ELF1: variants seen among roughly 807,000 people sequenced by gnomAD.
ELF1 encodes the protein ETS-related transcription factor Elf-1.
ELF1 carries 24 observed loss-of-function variants against 59.9 expected under a neutral mutation model. That is an observed-to-expected ratio of 0.40 (90% CI 0.29 to 0.56). The LOEUF (loss-of-function observed/expected upper bound fraction) is 0.56. Ranked by LOEUF, ELF1 falls within the 20% of genes least tolerant of loss-of-function variation. The pLI is 0.44. For missense variants in ELF1, 627 were observed against 742.2 expected (o/e 0.84, Z 1.80); for synonymous variants, 248 against 266.2 (o/e 0.93, Z 0.67).
chr13:41,046,467 C>T (rs1249210259), intron 1 of ELF1, among the ~76,000 whole-genome samples: 13 of 152,276 alleles, frequency 8.5e-5, no homozygotes, highest in South Asian at 6.2e-4. Context: ...GGAGCTCTTG[C>T]AGCGCAGGCC....
chr13:41,045,411 T>G (rs901099577), intron 1 of ELF1, among the ~76,000 whole-genome samples: 2 of 152,354 alleles, frequency 1.3e-5, no homozygotes, highest in South Asian at 4.1e-4. Flanking sequence ...TTTCCCGCTT[T>G]CTCTTGTGGG....
At chr13:40,992,398 G>A (rs184190097) in intron 1 of ELF1, among the ~76,000 whole-genome samples, 3 of 152,246 alleles carry the variant, frequency 2.0e-5, no homozygotes, top group African/African-American at 7.2e-5. Context: ...TCCAAGCTTA[G>A]GATAGAAACA....
intron 1 of ELF1, among the ~76,000 whole-genome samples, chr13:40,995,206 C>T (rs1874069899): frequency 1.3e-5 from 2 of 152,180 alleles, no homozygotes; most frequent in African/African-American, 4.8e-5. Flanking sequence ...CCCTTACTAC[C>T]TCTATTCTAG....
chr13:40,993,633 A>C (rs1477621194), intron 1 of ELF1, among the ~76,000 whole-genome samples: 1 of 151,956 alleles, frequency 6.6e-6, no homozygotes, highest in Non-Finnish European at 1.5e-5. Flanking sequence ...GGTGTGTACT[A>C]CCACACCTGA....
At chr13:40,994,884 G>A (rs1874051815) in intron 1 of ELF1, among the ~76,000 whole-genome samples, 1 of 152,094 alleles carries the variant, frequency 6.6e-6, no homozygotes, top group Non-Finnish European at 1.5e-5. Context: ...ATGCCCTAGT[G>A]CAATGGTTCC....
intron 5 of ELF1, among the ~76,000 whole-genome samples, chr13:40,948,768 G>A (rs374859312): frequency 1.3e-5 from 2 of 152,134 alleles, no homozygotes; most frequent in Non-Finnish European, 2.9e-5. Flanking sequence ...TTACTTACCT[G>A]CTGATTTCCA....
chr13:40,938,256 G>C (rs912346748), intron 8 of ELF1, among the ~76,000 whole-genome samples: 2 of 152,108 alleles, frequency 1.3e-5, no homozygotes, highest in African/African-American at 4.8e-5. Flanking sequence ...TTCTGTTGTT[G>C]TTTCTTTGAC....
At chr13:40,943,990 C>T in intron 5 of ELF1, 65 bp from the exon 6 acceptor site, 1 of 1,509,510 alleles carries the variant, frequency 6.6e-7, no homozygotes, top group Non-Finnish European at 9.1e-7. Context: ...GACAATTCAG[C>T]TATTTTGTCG....
At chr13:41,029,521 A>G (rs1431411326) in intron 1 of ELF1, among the ~76,000 whole-genome samples, 1 of 152,022 alleles carries the variant, frequency 6.6e-6, no homozygotes, top group South Asian at 2.1e-4. Context: ...AGCTGGGACT[A>G]CAGGCATGCA....
intron 1 of ELF1, among the ~76,000 whole-genome samples, chr13:41,046,275 C>T (rs374387643): frequency 5.3e-5 from 8 of 152,132 alleles, no homozygotes; most frequent in Admixed American, 4.6e-4. Context: ...GAGCATTTAG[C>T]CCATTTACAT....
chr13:41,022,250 CTGATATATGTGACAA>C (rs1169773765), upstream of ELF1, among the ~76,000 whole-genome samples: 69 of 152,292 alleles, frequency 4.5e-4, no homozygotes, highest in African/African-American at 1.7e-3. Flanking sequence ...GTCTGAATTT[CTGATATATGTGACAA>C]CATGGATGAA....
chr13:40,968,087 G>A (rs1440806711), intron 2 of ELF1, among the ~76,000 whole-genome samples: 1 of 152,126 alleles, frequency 6.6e-6, no homozygotes, highest in African/African-American at 2.4e-5. Flanking sequence ...TGATACATAT[G>A]TGTGTTCACT....
chr13:41,028,122 C>A (rs1469858328), intron 1 of ELF1, among the ~76,000 whole-genome samples: 1 of 152,210 alleles, frequency 6.6e-6, no homozygotes, highest in South Asian at 2.1e-4. Flanking sequence ...AGTCTTAGTT[C>A]CAGAGAGAGA....
intron 2 of ELF1, among the ~76,000 whole-genome samples, chr13:40,969,890 GAT>G (rs1157341939): frequency 2.0e-5 from 3 of 151,846 alleles, no homozygotes; most frequent in Admixed American, 1.3e-4. Flanking sequence ...TTTTTGTAGA[GAT>G]AGAGTCTTAC....
At chr13:41,057,889 C>CT (rs1179649710) in intron 1 of ELF1, among the ~76,000 whole-genome samples, 1 of 152,204 alleles carries the variant, frequency 6.6e-6, no homozygotes, top group Admixed American at 6.5e-5. Context: ...GTGAGCAGCT[C>CT]TGTCTTCGAA....
At chr13:41,047,214 T>C (rs1337795476) in intron 1 of ELF1, among the ~76,000 whole-genome samples, 1 of 152,208 alleles carries the variant, frequency 6.6e-6, no homozygotes, top group Non-Finnish European at 1.5e-5. Flanking sequence ...TTCTTTGCCA[T>C]GGGTTCAAAC....
intron 5 of ELF1, among the ~76,000 whole-genome samples, chr13:40,947,112 G>A (rs1199075144): frequency 6.8e-6 from 1 of 146,908 alleles, no homozygotes. Flanking sequence ...GTGAGAGAAC[G>A]AGACTCCATC....
chr13:41,060,935 CGCCGCCGCCGCT>C (rs776333404), exon 1 of ELF1: 87 of 370,802 alleles, frequency 2.3e-4, no homozygotes, highest in East Asian at 6.1e-4. Context: ...CCGCCGCCGC[CGCCGCCGCCGCT>C]GCTGCTGCCC....
chr13:41,042,189 A>C (rs1281881942), intron 1 of ELF1, among the ~76,000 whole-genome samples: 2 of 151,978 alleles, frequency 1.3e-5, no homozygotes. Flanking sequence ...CACCCGGCTA[A>C]TTTTTGTATT....
Sources: allele counts gnomAD v4.1 joint callset (sites outside exome capture counted in the v4.1 genomes callset), GRCh38; gene constraint gnomAD v4.1.1; transcripts MANE v1.5; gene names NCBI Gene and HGNC (gene_info 2026-07-23, HGNC 2026-07-21).